The following RALGAPA2 variants were observed in gnomAD, a reference collection of about 807,000 sequenced individuals.
RALGAPA2 encodes Ral GTPase activating protein catalytic subunit alpha 2.
Under a neutral mutation model 230.4 loss-of-function variants are expected in RALGAPA2, and 139 were observed. The observed-to-expected ratio is 0.60, with a 90% CI of 0.53 to 0.69. The LOEUF is 0.69. Among genes scored for constraint, RALGAPA2 ranks in the 30% least tolerant of loss-of-function variants. The probability of loss-of-function intolerance (pLI) is 0.00; values close to 1 mark genes in which losing one functional copy is unlikely to be tolerated. For synonymous variants in RALGAPA2, 847 were observed against 837.8 expected, an observed-to-expected ratio of 1.01 and a Z score of -0.19; for missense variants, 2,163 against 2,276.0, an observed-to-expected ratio of 0.95 and a Z score of 1.01.
intron 2 of RALGAPA2, among the ~76,000 whole-genome samples, 172 bp downstream of exon 2, chr20:20,680,519 A>C (rs960936807): frequency 6.6e-6 from 1 of 152,218 alleles, no homozygotes; most frequent in African/African-American, 2.4e-5. Context: ...ACATCCATAT[A>C]AGTGAAAGCT....
In RALGAPA2 at chr20:20,605,037, T is replaced by C. The variant is rs1370885365; in HGVS notation, c.2038+138A>G. ...GGAACAGAATGATATGAGACACAAATTAATGCCACTATTAAGAAGACACTG... is the reference window on the plus strand; with the variant it reads ...GGAACAGAATGATATGAGACACAAACTAATGCCACTATTAAGAAGACACTG... On this transcript the variant is annotated intron_variant, in intron 15 of 39. Transcript: ENST00000202677. 4.4e-6 allele frequency: 3 copies of C among 684,730 alleles called. No homozygotes were observed. The East Asian group carries it at 8.2e-5, about 19-fold the overall frequency. The allele number at this position is 684,730 out of a possible 1,614,324, so 42.4% of individuals were successfully genotyped here. A position where few individuals can be genotyped will look rare whatever the true frequency, so the allele number is the denominator to read the frequency against.
chr20:20,476,410 ACATGGTAATTGATTTGCAATAAAGG>A (rs1240641941), intron 36 of RALGAPA2, among the ~76,000 whole-genome samples: 3 of 152,078 alleles, frequency 2.0e-5, no homozygotes, highest in African/African-American at 7.2e-5. Flanking sequence ...AGCCATACCT[ACATGGTAATTGATTTGCAATAAAGG>A]CAGCATATCA....
chr20:20,627,276 G>C (rs1210747347), intron 10 of RALGAPA2, among the ~76,000 whole-genome samples: 1 of 152,130 alleles, frequency 6.6e-6, no homozygotes, highest in Non-Finnish European at 1.5e-5. Context: ...GGGAACCTAG[G>C]ATCATTAAAA....
intron 37 of RALGAPA2, among the ~76,000 whole-genome samples, chr20:20,420,930 C>A (rs543755466): frequency 6.4e-4 from 97 of 152,190 alleles, no homozygotes; most frequent in Non-Finnish European, 1.2e-3. Context: ...CCACTACTGG[C>A]CGCTTTTGGT....
At chr20:20,556,683 A>C (rs2064092634) in intron 23 of RALGAPA2, among the ~76,000 whole-genome samples, 1 of 152,210 alleles carries the variant, frequency 6.6e-6, no homozygotes, top group South Asian at 2.1e-4. Flanking sequence ...TAACAGTGGA[A>C]GCCACTCAGT....
In RALGAPA2 at chr20:20,437,740, T is replaced by A. The variant is rs2060646715; in HGVS notation, c.5496-25592A>T. Among the ~76,000 whole-genome samples, 1 of 152,206 alleles carries A rather than the reference T, an allele frequency of 6.6e-6. No individual in the cohort carries two copies. The highest frequency in any genetic ancestry group is 1.5e-5 in the Non-Finnish European group (1 of 68,028). ...TCCAGACCCTTCATTCTCCTTTTCT[T>A]GGCTTCATTTTTCTCCTCAGTACTC... On this transcript the variant is annotated intron_variant, in intron 37 of 39. Transcript: ENST00000202677. This position sits in a 1 kb window ranked among gnomAD's most constrained non-coding sequence, Gnocchi z 4.1.
At chr20:20,606,514 G>A (rs1167574514) in intron 14 of RALGAPA2, among the ~76,000 whole-genome samples, 1 of 151,978 alleles carries the variant, frequency 6.6e-6, no homozygotes, top group Non-Finnish European at 1.5e-5. Context: ...CCTGCATCTG[G>A]CCTTTGCACA....
At chr20:20,701,120 C>T (rs1044496493) in intron 1 of RALGAPA2, among the ~76,000 whole-genome samples, 2 of 152,202 alleles carry the variant, frequency 1.3e-5, no homozygotes, top group Non-Finnish European at 2.9e-5. Context: ...AATAAAGGAA[C>T]TCGAGCCAGC....
At chr20:20,521,842 T>C (rs1441743949) in intron 30 of RALGAPA2, among the ~76,000 whole-genome samples, 1 of 152,222 alleles carries the variant, frequency 6.6e-6, no homozygotes, top group Non-Finnish European at 1.5e-5. Flanking sequence ...ACCATTGGGT[T>C]AAATATATTT....
rs553822382 is a variant in RALGAPA2 at position 20,532,291 on chromosome 20, C to T, written c.3474-496G>A. On this transcript the variant is annotated intron_variant, in intron 26 of 39. Coordinates refer to ENST00000202677, the MANE Select transcript of RALGAPA2 (RefSeq NM_020343.4). ...TTCAAAATAAATTTCACTGTTAATT[C>T]TTCTCAACAGTGTGCTAGGACCAGA... Among the ~76,000 whole-genome samples, 3 of 152,232 alleles carry T rather than the reference C, an allele frequency of 2.0e-5. No individual in the cohort carries two copies. The South Asian group carries it at 6.2e-4, about 32-fold the overall frequency.
chr20:20,535,181 T>A (rs957357752), intron 26 of RALGAPA2, among the ~76,000 whole-genome samples: 2 of 152,116 alleles, frequency 1.3e-5, no homozygotes, highest in East Asian at 3.8e-4. Flanking sequence ...GGGTTTGAAA[T>A]TGAGGATCAG....
At chr20:20,512,222 C>CACACACACA (rs1473648552) in intron 32 of RALGAPA2, among the ~76,000 whole-genome samples, 1 of 148,504 alleles carries the variant, frequency 6.7e-6, no homozygotes, top group South Asian at 2.1e-4. Flanking sequence ...AACAACCCCC[C>CACACACACA]CTACACACAC....
At chr20:20,687,375 G>A (rs1360993780) in intron 1 of RALGAPA2, among the ~76,000 whole-genome samples, 2 of 152,204 alleles carry the variant, frequency 1.3e-5, no homozygotes, top group East Asian at 1.9e-4. Context: ...TGGGTAGTTT[G>A]CAGAAATGCC....
At chr20:20,579,303 T>C (rs780141884) in intron 20 of RALGAPA2, among the ~76,000 whole-genome samples, 15 of 152,238 alleles carry the variant, frequency 9.9e-5, no homozygotes, top group African/African-American at 1.7e-4. Flanking sequence ...ATTTATTAAA[T>C]GCTTCTCTCC....
At chr20:20,695,057 T>A (rs572029454) in intron 1 of RALGAPA2, among the ~76,000 whole-genome samples, 68 of 152,298 alleles carry the variant, frequency 4.5e-4, no homozygotes, top group African/African-American at 1.6e-3. Flanking sequence ...AAAAAACTCA[T>A]CAATCATGAC....
chr20:20,469,400 A>G (rs557639048), intron 37 of RALGAPA2, among the ~76,000 whole-genome samples: 2 of 152,362 alleles, frequency 1.3e-5, no homozygotes, highest in Admixed American at 1.3e-4. Context: ...TCATGGGTCT[A>G]AGAGGGGACA....
chr20:20,560,765 G>T (rs537902341), intron 23 of RALGAPA2, among the ~76,000 whole-genome samples: 6 of 152,258 alleles, frequency 3.9e-5, no homozygotes, highest in Non-Finnish European at 7.4e-5. Flanking sequence ...GTGTCTCTCA[G>T]TGCCTCTGTG....
rs1253721011 is a variant in RALGAPA2, at chr20:20,398,976, T to C, written c.5618-2242A>G. 6.6e-6 allele frequency among the ~76,000 whole-genome samples: 1 copy of C among 152,072 alleles called. No homozygotes were observed. Among genetic ancestry groups the C allele is most frequent in the Non-Finnish European group, 1.5e-5 (1 of 68,010 alleles). Reference sequence around the variant, plus strand: ...AGTAAACAGATACACAGTGTTTCTGTGGTGTTTCAGGGGAGGGGACAAATT... The same window carrying C: ...AGTAAACAGATACACAGTGTTTCTGCGGTGTTTCAGGGGAGGGGACAAATT... On this transcript the variant is annotated intron_variant, in intron 38 of 39. Coordinates refer to ENST00000202677, the MANE Select transcript of RALGAPA2 (RefSeq NM_020343.4). The surrounding 1 kb of genome is among the most constrained non-coding windows in gnomAD (Gnocchi z 4.5).
At chr20:20,645,189 A>T (rs1453185015) in intron 4 of RALGAPA2, among the ~76,000 whole-genome samples, 5 of 134,480 alleles carry the variant, frequency 3.7e-5, no homozygotes, top group African/African-American at 1.4e-4. Context: ...ATCTCGGCTC[A>T]CTGCAACCTC....
Sources: allele counts gnomAD v4.1 joint callset (sites outside exome capture counted in the v4.1 genomes callset), GRCh38; gene constraint gnomAD v4.1.1; non-coding constraint Gnocchi (gnomAD v3.1); transcripts MANE v1.5; gene names NCBI Gene and HGNC (gene_info 2026-07-23, HGNC 2026-07-21).